Variants in PSD3 observed in about 807,000 individuals in gnomAD.
PSD3 encodes the protein pleckstrin and Sec7 domain containing 3.
In PSD3, 49 loss-of-function variants were observed where a neutral mutation model predicts 105.5. The ratio of observed to expected loss-of-function variants is 0.46; its 90% CI spans 0.37 to 0.59. PSD3 has a LOEUF of 0.59. PSD3 is among the 20% of genes least tolerant of loss of function. The pLI, the probability that PSD3 is intolerant of heterozygous loss-of-function variation, is 0.00. For synonymous variants in PSD3, 557 were observed against 457.8 expected, an observed-to-expected ratio of 1.22 and a Z score of -2.77; for missense variants, 1,561 against 1,263.8, an observed-to-expected ratio of 1.24 and a Z score of -3.57.
chr8:18,764,192 T>C (rs902315369), intron 9 of PSD3, among the ~76,000 whole-genome samples: 5 of 152,214 alleles, frequency 3.3e-5, no homozygotes, highest in African/African-American at 4.8e-5. Flanking sequence ...CATAAGTTGA[T>C]AAAAGCCTCA....
chr8:18,919,531 C>T (rs1476918910), intron 2 of PSD3, among the ~76,000 whole-genome samples: 1 of 151,838 alleles, frequency 6.6e-6, no homozygotes, highest in African/African-American at 2.4e-5. Flanking sequence ...TTTTAACAAG[C>T]ATGGAAAGCA....
chr8:18,838,300 G>A (rs910085671), intron 4 of PSD3, among the ~76,000 whole-genome samples: 2 of 152,164 alleles, frequency 1.3e-5, no homozygotes, highest in African/African-American at 2.4e-5. Context: ...CTAAAGGTCA[G>A]CAATGCCTCA....
At chr8:18,582,161 A>G (rs1482471215) in intron 12 of PSD3, among the ~76,000 whole-genome samples, 1 of 152,148 alleles carries the variant, frequency 6.6e-6, no homozygotes, top group Non-Finnish European at 1.5e-5. Flanking sequence ...AGAGGAGTGG[A>G]GTGGATCAAA....
rs114909391 is a variant in PSD3, at chr8:18,680,450, C to G, written c.2173-24765G>C. Among the ~76,000 whole-genome samples, 1,433 of 152,290 alleles carry G rather than the reference C, an allele frequency of 9.4e-3. 20 individuals carry two copies. Among genetic ancestry groups the G allele is most frequent in the African/African-American group, 0.032 (1,345 of 41,556 alleles). The stretch of plus-strand genomic sequence containing the variant: ...ACAGCAGGAAGGTCTGCACTGCCCC[C>G]TCATGGCCAGAAGCCTTGCTAGTAA... On this transcript the variant is annotated intron_variant, in intron 9 of 15. Transcript: ENST00000327040.
chr8:18,603,066 A>G (rs1378097368), intron 11 of PSD3, among the ~76,000 whole-genome samples: 1 of 152,240 alleles, frequency 6.6e-6, no homozygotes, highest in African/African-American at 2.4e-5. Flanking sequence ...TGGGGAATCA[A>G]TAGGCTGACA....
In PSD3 at chr8:18,604,122, A is replaced by T. The variant is rs576343358; in HGVS notation, c.2411-3688T>A. On this transcript the variant is annotated intron_variant, in intron 11 of 15. Transcript: ENST00000327040. ...GAGGTTGGAAGAGGGTGGAGGGCTC[A>T]GAATAATACAGGAAGATGACTGAAA... Among the ~76,000 whole-genome samples the T allele has an allele frequency of 4.2e-4, 54 of 128,296 alleles. No individual in the cohort carries two copies. In the East Asian group the frequency reaches 9.9e-3, roughly 24 times the overall value. 84.2% of individuals were successfully genotyped at this position (128,296 alleles called of 152,430 possible). A position where few individuals can be genotyped will look rare whatever the true frequency, so the allele number is the denominator to read the frequency against.
In PSD3 at chr8:18,953,280, C is replaced by A. The variant is rs1586512640; in HGVS notation, c.22-17138G>T. ...TAAATTAATGGTGACGCGGCATGTT[C>A]ATATATATCTGTCTCTCTCCATATG... is the stretch of plus-strand genomic sequence containing the variant. On this transcript the variant is annotated intron_variant, in intron 1 of 15. Transcript: ENST00000327040. Among the ~76,000 whole-genome samples, 9 of 151,080 alleles carry A rather than the reference C, an allele frequency of 6.0e-5. 1 individual carries two copies. The South Asian group carries it at 1.9e-3, about 32-fold the overall frequency.
chr8:18,727,525 C>A (rs1354997924), intron 9 of PSD3, among the ~76,000 whole-genome samples: 2 of 64,792 alleles, frequency 3.1e-5, no homozygotes, highest in African/African-American at 1.1e-4. Flanking sequence ...ATCAATCAAT[C>A]AATAGCTAAA....
Position 18,801,345 on chromosome 8 carries a change from G to C in PSD3, c.1948C>G (p.Gln650Glu). Residue 650 changes from glutamine to glutamate, a missense_variant, in exon 7 of 16, where the codon CAA (glutamine) becomes GAA (glutamate). By Grantham distance (29) the Gln-to-Glu change is conservative. Transcript: ENST00000327040. The stretch of plus-strand genomic sequence containing the variant: ...TGTATTAAAACTCTCTCTCGTTCTT[G>C]AGTTTCTCCCACAAGAGAGAATGCT... The part of the protein sequence containing the change: ...FKAFSLVGET[Q>E]ERERVLIHFS... The C allele has an allele frequency of 1.9e-6, 3 of 1,608,598 alleles. No homozygotes were observed. The highest frequency in any genetic ancestry group is 2.2e-5 in the East Asian group (1 of 44,614).
chr8:18,654,968 T>C (rs1166257529), intron 10 of PSD3, among the ~76,000 whole-genome samples: 1 of 152,144 alleles, frequency 6.6e-6, no homozygotes, highest in Non-Finnish European at 1.5e-5. Context: ...ACCATTTGTA[T>C]TACATTTTGC....
chr8:19,030,811 T>C (rs975233975), intron 1 of PSD3, among the ~76,000 whole-genome samples: 5 of 152,212 alleles, frequency 3.3e-5, no homozygotes, highest in Non-Finnish European at 5.9e-5. Flanking sequence ...GAATTCAATA[T>C]GGTCTTTGTC....
At chr8:19,009,281 A>T (rs1826845125) in intron 1 of PSD3, among the ~76,000 whole-genome samples, 1 of 152,230 alleles carries the variant, frequency 6.6e-6, no homozygotes, top group African/African-American at 2.4e-5. Flanking sequence ...GACTCGAATA[A>T]TCTAAATATT....
intron 10 of PSD3, among the ~76,000 whole-genome samples, chr8:18,655,009 T>C (rs1484249866): frequency 6.6e-6 from 1 of 152,138 alleles, no homozygotes; most frequent in Non-Finnish European, 1.5e-5. Context: ...AGATTTTTCT[T>C]TTAGAATGTT....
chr8:18,937,320 G>C (rs17127475), intron 1 of PSD3, among the ~76,000 whole-genome samples: 2 of 152,140 alleles, frequency 1.3e-5, no homozygotes, highest in African/African-American at 2.4e-5. Context: ...CTACCCACTG[G>C]TTATGAGACA....
At chr8:19,051,266 G>C (rs1243597630) in intron 1 of PSD3, among the ~76,000 whole-genome samples, 1 of 119,358 alleles carries the variant, frequency 8.4e-6, no homozygotes, top group Non-Finnish European at 2.1e-5. Context: ...TCGTCCTTCA[G>C]TTCTCAGTTT....
intron 4 of PSD3, among the ~76,000 whole-genome samples, chr8:18,820,907 G>T (rs556800328): frequency 1.3e-5 from 2 of 151,992 alleles, no homozygotes; most frequent in South Asian, 2.1e-4. Context: ...GAGTCACAAT[G>T]CTCAGCTAAT....
intron 1 of PSD3, among the ~76,000 whole-genome samples, chr8:18,959,425 A>T (rs1162832084): frequency 6.6e-6 from 1 of 152,128 alleles, no homozygotes; most frequent in Non-Finnish European, 1.5e-5. Flanking sequence ...ACTTTACAGC[A>T]TTTTAAAACC....
intron 8 of PSD3, among the ~76,000 whole-genome samples, chr8:18,793,372 G>GAAAA (rs112335496): frequency 7.2e-5 from 9 of 125,442 alleles, no homozygotes; most frequent in African/African-American, 2.3e-4. Context: ...TATCAAAATA[G>GAAAA]AAAAAAAAAA....
At position 18,650,125 on chromosome 8, in the gene PSD3, A is replaced by C. The variant is rs563071619; in HGVS notation, c.2216+5517T>G. Among the ~76,000 whole-genome samples, 137 of 152,366 alleles carry C rather than the reference A, an allele frequency of 9.0e-4. 2 individuals are homozygous for C. The South Asian group carries it at 0.028, about 31-fold the overall frequency. ...ACATGAAAGTCAAAGGATGAAAGAG[A>C]GGAACATTAATTTTCCTAATAGACA... On this transcript the variant is annotated intron_variant, in intron 10 of 15. Transcript: ENST00000327040.
Sources: gnomAD v4.1 joint callset for allele counts (sites outside exome capture counted in the v4.1 genomes callset) on GRCh38, gnomAD v4.1.1 for gene constraint, MANE v1.5 for transcripts, NCBI Gene and HGNC (gene_info 2026-07-23, HGNC 2026-07-21) for gene names.